The following ADH7 variants were observed in gnomAD, a reference collection of about 807,000 sequenced individuals.
ADH7 encodes the protein alcohol dehydrogenase 7 (class IV), mu or sigma polypeptide.
Under a neutral mutation model 34.4 loss-of-function variants are expected in ADH7, and 41 were observed. The observed-to-expected ratio is 1.19, with a 90% confidence interval of 0.93 to 1.55. ADH7 has a LOEUF of 1.55. Ranked by LOEUF, ADH7 falls within the 40% of genes most tolerant of loss-of-function variation. The pLI is 0.00. For missense variants in ADH7, 540 were observed against 461.2 expected (o/e 1.17, Z -1.56); for synonymous variants, 180 against 160.9 (o/e 1.12, Z -0.90).
intron 1 of ADH7, among the ~76,000 whole-genome samples, chr4:99,432,369 G>C (rs558879569): frequency 1.2e-4 from 19 of 152,204 alleles, no homozygotes; most frequent in African/African-American, 4.3e-4. Context: ...TAGGTACCAT[G>C]CTTATTATCT....
At chr4:99,433,412 C>G (rs1721981964) in intron 1 of ADH7, among the ~76,000 whole-genome samples, 1 of 152,080 alleles carries the variant, frequency 6.6e-6, no homozygotes, top group South Asian at 2.1e-4. Flanking sequence ...GAAACACACA[C>G]ACAAAAATGG....
intron 8 of ADH7, 173 bp downstream of exon 8, chr4:99,415,305 T>A (rs767493489): frequency 1.5e-6 from 1 of 685,328 alleles, no homozygotes; most frequent in African/African-American, 1.8e-5. Context: ...TTTTTTTTTA[T>A]AGTAGTATGA....
At chr4:99,421,933 A>G (rs1288229376) in intron 5 of ADH7, among the ~76,000 whole-genome samples, 1 of 152,238 alleles carries the variant, frequency 6.6e-6, no homozygotes, top group African/African-American at 2.4e-5. Flanking sequence ...AGAGAAATGC[A>G]AATCAAAACC....
intron 8 of ADH7, among the ~76,000 whole-genome samples, chr4:99,414,505 T>C (rs941218994): frequency 6.6e-6 from 1 of 152,150 alleles, no homozygotes; most frequent in Non-Finnish European, 1.5e-5. Flanking sequence ...ATGTTGTAGA[T>C]AAAATTTGCA....
At chr4:99,427,517 T>A (rs1260569075) in intron 5 of ADH7, among the ~76,000 whole-genome samples, 1 of 152,166 alleles carries the variant, frequency 6.6e-6, no homozygotes, top group African/African-American at 2.4e-5. Flanking sequence ...AAGGGGTATA[T>A]TTTAAAGATG....
intron 5 of ADH7, among the ~76,000 whole-genome samples, chr4:99,424,276 C>T (rs985745890): frequency 2.0e-5 from 3 of 152,206 alleles, no homozygotes; most frequent in African/African-American, 7.2e-5. Context: ...GTTTTTGTTA[C>T]TGTAGCCTTG....
chr4:99,420,735 A>G lies in ADH7; in HGVS notation c.623T>C (p.Ile208Thr). ...FGLGGVGLSV[I>T]MGCKSAGASR... ...TGCACCAGCTGACTTACAGCCCATG[A>G]TGACTGACAGGCCAACTCCTCCCAG... Residue 208 changes from isoleucine (I) to threonine (T), a missense_variant, in exon 6 of 9, where the codon ATC becomes ACC. Ile to Thr is a moderately conservative substitution (Grantham distance 89, BLOSUM62 -1). Transcript: ENST00000437033. The G allele has an allele frequency of 6.2e-7, 1 of 1,613,906 alleles. No individual in the cohort carries two copies. Among genetic ancestry groups the G allele is most frequent in the Non-Finnish European group, 8.5e-7 (1 of 1,179,906 alleles).
intron 5 of ADH7, among the ~76,000 whole-genome samples, chr4:99,422,563 A>G (rs1399385072): frequency 1.3e-5 from 2 of 152,094 alleles, no homozygotes; most frequent in East Asian, 1.9e-4. Flanking sequence ...GCAAACCACC[A>G]TGGCGCACGT....
Position 99,427,803 on chromosome 4 carries a change from A to G in ADH7, c.534T>C (p.Thr178=), listed in dbSNP as rs140998110. 1.1e-5 allele frequency: 18 copies of G among 1,596,394 alleles called. No homozygotes were observed. The highest frequency in any genetic ancestry group is 1.5e-5 in the Non-Finnish European group (17 of 1,169,944). Reference sequence around the variant, plus strand: ...CAGTTTTAACAGCAGCGCCATATCCAGTGGAAAACCCACAGCCAATTAAAC... The same window carrying G: ...CAGTTTTAACAGCAGCGCCATATCCGGTGGAAAACCCACAGCCAATTAAAC... ...KVCLIGCGFS[T]GYGAAVKTGK... The change falls in exon 5 of 9, where the codon ACT becomes ACC. Residue 178 remains threonine, a synonymous_variant. Transcript: ENST00000437033.
chr4:99,417,530 G>T (rs1194501968), intron 7 of ADH7, among the ~76,000 whole-genome samples: 1 of 152,044 alleles, frequency 6.6e-6, no homozygotes, highest in Non-Finnish European at 1.5e-5. Context: ...CAGTCCTCTG[G>T]CACTGCCCGT....
intron 1 of ADH7, among the ~76,000 whole-genome samples, chr4:99,433,468 T>C (rs1442803286): frequency 6.6e-6 from 1 of 152,180 alleles, no homozygotes; most frequent in Non-Finnish European, 1.5e-5. Flanking sequence ...CCTTCATATT[T>C]TCTGACCTTC....
chr4:99,427,618 C>A (rs1424194094), intron 5 of ADH7, among the ~76,000 whole-genome samples, 155 bp downstream of exon 5: 1 of 151,148 alleles, frequency 6.6e-6, no homozygotes, highest in Non-Finnish European at 1.5e-5. Context: ...TTTTATTTTT[C>A]TTTTAGTTGA....
intron 1 of ADH7, among the ~76,000 whole-genome samples, chr4:99,433,603 T>A (rs1721985767): frequency 6.6e-6 from 1 of 152,116 alleles, no homozygotes; most frequent in Non-Finnish European, 1.5e-5. Flanking sequence ...TTTCAAGAAG[T>A]AATTAATTTA....
intron 1 of ADH7, 34 bp from the exon 2 acceptor site, chr4:99,429,667 A>G (rs898447050): frequency 6.7e-7 from 1 of 1,494,328 alleles, no homozygotes; most frequent in Non-Finnish European, 9.2e-7. Flanking sequence ...ATGGGTCTGA[A>G]TTATGCCTTT....
rs367907552 is a variant in ADH7, at chr4:99,419,013, G to A, written c.934C>T (p.Arg312Cys). 17 of 1,613,674 alleles carry A rather than the reference G, an allele frequency of 1.1e-5. No individual in the cohort carries two copies. Among genetic ancestry groups the A allele is most frequent in the East Asian group, 2.2e-5 (1 of 44,874 alleles). ...CCAAAGACACATCCCTTCCATGTGCGTCCAGTGAAGAGCAACATCGGGTCA... is the reference window on the plus strand; with the variant it reads ...CCAAAGACACATCCCTTCCATGTGCATCCAGTGAAGAGCAACATCGGGTCA... ...TYDPMLLFTG[R>C]TWKGCVFGGL... Residue 312 changes from arginine to cysteine, a missense_variant, in exon 7 of 9, where the codon CGC becomes TGC. Arg to Cys is a radical substitution (Grantham distance 180). Coordinates refer to ENST00000437033, the MANE Select transcript of ADH7 (RefSeq NM_000673.7).
chr4:99,433,810 A>C (rs889177463), intron 1 of ADH7, among the ~76,000 whole-genome samples: 1 of 152,112 alleles, frequency 6.6e-6, no homozygotes, highest in Non-Finnish European at 1.5e-5. Context: ...CAAGAAAACA[A>C]ATTTCTGCTG....
chr4:99,414,835 A>G (rs909308829), intron 8 of ADH7, among the ~76,000 whole-genome samples: 2 of 152,200 alleles, frequency 1.3e-5, no homozygotes, highest in Non-Finnish European at 2.9e-5. Flanking sequence ...CTTACTTGAA[A>G]TAAATAGCAG....
At chr4:99,426,431 C>G (rs1030139745) in intron 5 of ADH7, among the ~76,000 whole-genome samples, 6 of 152,148 alleles carry the variant, frequency 3.9e-5, no homozygotes, top group African/African-American at 1.2e-4. Flanking sequence ...ACTACAAACA[C>G]CTCTACGCAA....
chr4:99,425,281 C>T (rs554725294), intron 5 of ADH7, among the ~76,000 whole-genome samples: 24 of 152,204 alleles, frequency 1.6e-4, no homozygotes, highest in South Asian at 4.2e-4. Flanking sequence ...GATAAACAGT[C>T]GAGACCCATC....
Sources: gnomAD v4.1 joint callset for allele counts (sites outside exome capture counted in the v4.1 genomes callset) on GRCh38, gnomAD v4.1.1 for gene constraint, MANE v1.5 for transcripts, NCBI Gene and HGNC (gene_info 2026-07-23, HGNC 2026-07-21) for gene names.